The following CSMD1 variants were observed in gnomAD, a reference collection of about 807,000 sequenced individuals.
CSMD1 encodes the protein CUB and sushi domain-containing protein 1.
Under a neutral mutation model 417.5 loss-of-function variants are expected in CSMD1, and 213 were observed. That is an observed-to-expected ratio of 0.51 (90% CI 0.46 to 0.57). CSMD1 has a LOEUF of 0.57. CSMD1 is among the 20% of genes least tolerant of loss of function. CSMD1 has a pLI of 0.00. For synonymous variants in CSMD1, 2,862 were observed against 1,736.8 expected, an observed-to-expected ratio of 1.65 and a Z score of -16.11; for missense variants, 6,923 against 4,529.7, an observed-to-expected ratio of 1.53 and a Z score of -15.17.
chr8:2,978,918 T>A (rs1276887411), intron 54 of CSMD1, 118 bp from the exon 55 acceptor site: 1 of 824,924 alleles, frequency 1.2e-6, no homozygotes, highest in Non-Finnish European at 1.8e-6. Context: ...GACAACATGA[T>A]GGCTGAGGCT....
intron 3 of CSMD1, among the ~76,000 whole-genome samples, chr8:4,074,687 G>C (rs762198447): frequency 9.9e-5 from 15 of 151,800 alleles, no homozygotes; most frequent in Admixed American, 2.0e-4. Flanking sequence ...TTAAAATTTT[G>C]TATAAAGATG....
At chr8:3,693,117 T>A (rs780788261) in intron 7 of CSMD1, among the ~76,000 whole-genome samples, 4 of 152,110 alleles carry the variant, frequency 2.6e-5, no homozygotes, top group Admixed American at 6.6e-5. Context: ...TAGAGATAAA[T>A]AGATACCAAT....
At chr8:4,948,822 T>C (rs1808543032) in intron 1 of CSMD1, among the ~76,000 whole-genome samples, 1 of 152,122 alleles carries the variant, frequency 6.6e-6, no homozygotes. Flanking sequence ...AGAATGGAGC[T>C]GCAGCATAAG....
chr8:4,605,313 G>A (rs950137713), intron 2 of CSMD1, among the ~76,000 whole-genome samples: 3 of 152,146 alleles, frequency 2.0e-5, no homozygotes, highest in Non-Finnish European at 4.4e-5. Flanking sequence ...TTCACAGGGT[G>A]GGTTCTCTTG....
At chr8:4,033,416 T>C (rs1176078287) in intron 3 of CSMD1, among the ~76,000 whole-genome samples, 1 of 152,172 alleles carries the variant, frequency 6.6e-6, no homozygotes, top group African/African-American at 2.4e-5. Flanking sequence ...CACTCCAGCG[T>C]GGGTGACAGA....
chr8:4,535,564 T>C lies in CSMD1; in HGVS notation c.302+101778A>G, dbSNP rs73661509. 9.9e-3 allele frequency among the ~76,000 whole-genome samples: 1,509 copies of C among 152,264 alleles called. 32 individuals are homozygous for C. Among genetic ancestry groups the C allele is most frequent in the East Asian group, 0.064 (331 of 5,176 alleles). ...TAACAGTAAGAGCTCTCCAAGTTAC[T>C]CGTAGGTTAACCCTAAGTCATCCAA... On this transcript the variant is annotated intron_variant, in intron 2 of 69. Coordinates refer to ENST00000635120, the MANE Select transcript of CSMD1 (RefSeq NM_033225.6).
At chr8:3,709,960 AC>A (rs1801414776) in intron 6 of CSMD1, among the ~76,000 whole-genome samples, 1 of 150,932 alleles carries the variant, frequency 6.6e-6, no homozygotes, top group African/African-American at 2.4e-5. Flanking sequence ...CCAACCCCCA[AC>A]CCCCACACAC....
At chr8:3,994,278 G>A (rs897737977) in intron 5 of CSMD1, among the ~76,000 whole-genome samples, 2 of 152,020 alleles carry the variant, frequency 1.3e-5, no homozygotes, top group African/African-American at 2.4e-5. Flanking sequence ...TTTAAAGGGA[G>A]TAAATGCTCC....
chr8:4,829,935 T>C (rs748448050), intron 1 of CSMD1, among the ~76,000 whole-genome samples: 4 of 152,098 alleles, frequency 2.6e-5, no homozygotes, highest in Non-Finnish European at 2.9e-5. Flanking sequence ...GGCCTTCTGA[T>C]GTAGAAAGAA....
chr8:4,184,718 G>A (rs999665786), intron 3 of CSMD1, among the ~76,000 whole-genome samples: 1 of 152,056 alleles, frequency 6.6e-6, no homozygotes, highest in Non-Finnish European at 1.5e-5. Context: ...AGGAGGGAGG[G>A]GACCGTGAAA....
chr8:4,602,395 C>A (rs557202971), intron 2 of CSMD1, among the ~76,000 whole-genome samples: 46 of 152,228 alleles, frequency 3.0e-4, no homozygotes, highest in Admixed American at 5.9e-4. Context: ...TATTAATTTG[C>A]TGGTCCAAGA....
intron 2 of CSMD1, among the ~76,000 whole-genome samples, chr8:4,512,297 G>A (rs1802865452): frequency 1.3e-5 from 2 of 152,072 alleles, no homozygotes; most frequent in African/African-American, 2.4e-5. Context: ...TCTCAATCTG[G>A]TAAAGAATAT....
intron 11 of CSMD1, among the ~76,000 whole-genome samples, chr8:3,482,315 G>C (rs1286052438): frequency 2.0e-5 from 3 of 152,106 alleles, no homozygotes; most frequent in Non-Finnish European, 4.4e-5. Flanking sequence ...CATATTGATA[G>C]TAAAAGAAAC....
chr8:3,493,590 A>G (rs567480987), intron 11 of CSMD1, 33 bp downstream of exon 11: 29 of 1,557,844 alleles, frequency 1.9e-5, no homozygotes, highest in Admixed American at 1.3e-4. Context: ...CACTGCATGC[A>G]TAAGAGAAGA....
chr8:4,554,147 A>C (rs1336003946), intron 2 of CSMD1, among the ~76,000 whole-genome samples: 1 of 152,018 alleles, frequency 6.6e-6, no homozygotes, highest in African/African-American at 2.4e-5. Flanking sequence ...CGATTTATTT[A>C]TTTTTTTGAG....
chr8:3,087,671 T>A (rs1056855322), intron 48 of CSMD1, among the ~76,000 whole-genome samples: 11 of 152,228 alleles, frequency 7.2e-5, no homozygotes, highest in African/African-American at 2.7e-4. Context: ...AAAAATCTTA[T>A]AATGTTTTAA....
rs371492278 is a variant in CSMD1, at chr8:3,023,214, A to T, written c.7856-4564T>A. Among the ~76,000 whole-genome samples, 3 of 152,150 alleles carry T rather than the reference A, an allele frequency of 2.0e-5. No homozygotes were observed. In the East Asian group the frequency reaches 5.8e-4, roughly 29 times the overall value. ...AGTAACAAACAGCAGATCTTCAAAG[A>T]CCAGCCCGGACACAGACAGCCCAGA... On this transcript the variant is annotated intron_variant, in intron 51 of 69. Transcript: ENST00000635120.
chr8:3,597,843 G>A (rs1801167435), intron 8 of CSMD1, among the ~76,000 whole-genome samples: 1 of 152,142 alleles, frequency 6.6e-6, no homozygotes, highest in Non-Finnish European at 1.5e-5. Context: ...TCGGGGGGTT[G>A]GGGACTAGGG....
intron 3 of CSMD1, among the ~76,000 whole-genome samples, chr8:4,216,825 G>A (rs545857424): frequency 6.6e-6 from 1 of 152,122 alleles, no homozygotes; most frequent in Non-Finnish European, 1.5e-5. Flanking sequence ...CAAGAAAGAG[G>A]TAAACATGAG....
Sources: gnomAD v4.1 joint callset for allele counts (sites outside exome capture counted in the v4.1 genomes callset) on GRCh38, gnomAD v4.1.1 for gene constraint, MANE v1.5 for transcripts, NCBI Gene and HGNC (gene_info 2026-07-23, HGNC 2026-07-21) for gene names.